The following A2ML1 variants were observed in gnomAD, a reference collection of about 807,000 sequenced individuals.
A2ML1 encodes alpha-2-macroglobulin-like protein 1.
A neutral mutation model predicts 181.9 loss-of-function variants in A2ML1; 161 were observed. The observed-to-expected ratio is 0.89, with a 90% CI of 0.78 to 1.01. The LOEUF (loss-of-function observed/expected upper bound fraction) is 1.01, where lower values mean the gene tolerates loss of function less well. A2ML1 is among the 50% of genes least tolerant of loss of function. A2ML1 has a pLI of 0.00. For synonymous variants in A2ML1, 663 were observed against 666.8 expected (o/e 0.99, Z 0.09); for missense variants, 1,670 against 1,768.1 (o/e 0.94, Z 1.00).
intron 31 of A2ML1, 62 bp downstream of exon 31, chr12:8,868,419 C>T: frequency 6.3e-7 from 1 of 1,599,990 alleles, no homozygotes; most frequent in Non-Finnish European, 8.5e-7. Context: ...TGAGCTGGGA[C>T]ACTTGTGTGT....
intron 7 of A2ML1, among the ~76,000 whole-genome samples, chr12:8,882,026 A>G (rs2137013212): frequency 2.0e-5 from 3 of 152,212 alleles, no homozygotes. Flanking sequence ...AAAAAAAGAA[A>G]AAAGTTTGAG....
At chr12:8,877,925 A>C (rs1944829331), downstream of A2ML1, among the ~76,000 whole-genome samples, 1 of 152,186 alleles carries the variant, frequency 6.6e-6, no homozygotes, top group Non-Finnish European at 1.5e-5. Context: ...AAAGACATGG[A>C]ATCAGCCTAG....
At chr12:8,828,754 C>T (rs968400722) in intron 3 of A2ML1, among the ~76,000 whole-genome samples, 13 of 152,218 alleles carry the variant, frequency 8.5e-5, no homozygotes, top group African/African-American at 2.7e-4. Flanking sequence ...CCAAGGCCCA[C>T]GACAAGTACT....
chr12:8,879,622 C>T (rs1384930276), downstream of A2ML1, among the ~76,000 whole-genome samples: 2 of 152,172 alleles, frequency 1.3e-5, no homozygotes, highest in African/African-American at 2.4e-5. Context: ...AAATGGTGAT[C>T]CTCAAGACTT....
intron 33 of A2ML1, among the ~76,000 whole-genome samples, chr12:8,873,379 TA>T (rs956117165): frequency 2.0e-5 from 3 of 152,098 alleles, no homozygotes; most frequent in African/African-American, 7.2e-5. Flanking sequence ...AGCTAGGATT[TA>T]TTTTTTTATA....
chr12:8,880,045 A>G (rs1249314252), downstream of A2ML1, among the ~76,000 whole-genome samples: 1 of 152,166 alleles, frequency 6.6e-6, no homozygotes, highest in Non-Finnish European at 1.5e-5. Flanking sequence ...CAGTGTGACC[A>G]AAAAAATGAT....
chr12:8,829,227 G>T (rs1422702005), intron 3 of A2ML1, among the ~76,000 whole-genome samples: 1 of 152,200 alleles, frequency 6.6e-6, no homozygotes, highest in African/African-American at 2.4e-5. Context: ...CTTCTATTCT[G>T]CCTCTTGCTC....
intron 4 of A2ML1, among the ~76,000 whole-genome samples, chr12:8,832,738 G>A (rs1943156983): frequency 6.6e-6 from 1 of 152,158 alleles, no homozygotes; most frequent in East Asian, 1.9e-4. Flanking sequence ...CGTAGTGAGG[G>A]TACCTAAGGT....
At chr12:8,870,236 G>T (rs73047819) in intron 33 of A2ML1, among the ~76,000 whole-genome samples, 8,575 of 151,966 alleles carry the variant, frequency 0.056, 341 homozygotes, top group Non-Finnish European at 0.088. Context: ...GGGAGCCAGG[G>T]TTTTTTATGT....
chr12:8,877,895 G>A (rs753817992), downstream of A2ML1, among the ~76,000 whole-genome samples: 1 of 152,222 alleles, frequency 6.6e-6, no homozygotes, highest in African/African-American at 2.4e-5. Flanking sequence ...TATGTTTTTC[G>A]CAGCACTATT....
intron 33 of A2ML1, among the ~76,000 whole-genome samples, chr12:8,873,349 TC>T (rs1944693686): frequency 6.6e-6 from 1 of 152,044 alleles, no homozygotes; most frequent in Non-Finnish European, 1.5e-5. Flanking sequence ...AAATGATCCT[TC>T]CACCTCAGCT....
chr12:8,875,913 G>C (rs1333727927), intron 35 of A2ML1, 145 bp from the exon 36 acceptor site: 1 of 152,188 alleles, frequency 6.6e-6, no homozygotes, highest in African/African-American at 2.4e-5. Flanking sequence ...TTCTACACCT[G>C]TGAGATAACA....
chr12:8,836,287 C>G lies in A2ML1; in HGVS notation c.676C>G (p.Pro226Ala). ...LPKFKVEVVE[P>A]KELSTVQESF... is the part of the protein sequence containing the mutation. ...GAAGTTTAAGGTGGAAGTGGTGGAA[C>G]CCAAGGAGTTATCAACGGTGCAGGA... Residue 226 changes from proline to alanine, a missense_variant, in exon 7 of 36, where the codon CCC becomes GCC. Transcript: ENST00000299698. The G allele has an allele frequency of 1.2e-6, 2 of 1,614,016 alleles. No individual in the cohort carries two copies. Among genetic ancestry groups the G allele is most frequent in the Non-Finnish European group, 1.7e-6 (2 of 1,180,026 alleles).
intron 4 of A2ML1, among the ~76,000 whole-genome samples, chr12:8,830,088 G>T (rs1943063298): frequency 6.6e-6 from 1 of 152,092 alleles, no homozygotes; most frequent in African/African-American, 2.4e-5. Flanking sequence ...GTCTCGCTCT[G>T]TGGCCCAGGC....
At chr12:8,844,993 C>T in intron 12 of A2ML1, 2 of 1,409,504 alleles carry the variant, frequency 1.4e-6, no homozygotes, top group South Asian at 3.3e-5. Flanking sequence ...GATTTCTCCT[C>T]TAGAGGGTTC....
At chr12:8,885,958 C>T (rs1448745290) in intron 7 of A2ML1, among the ~76,000 whole-genome samples, 1 of 150,384 alleles carries the variant, frequency 6.6e-6, no homozygotes, top group African/African-American at 2.4e-5. Context: ...AGAGTTTATT[C>T]CTGGATTCTG....
intron 2 of A2ML1, 68 bp downstream of exon 2, chr12:8,823,433 T>C: frequency 6.8e-7 from 1 of 1,478,308 alleles, no homozygotes; most frequent in Admixed American, 2.1e-5. Context: ...CTCACTATAA[T>C]CTACTTTAAG....
rs778863549 is a variant in A2ML1 at position 8,845,429 on chromosome 12, T to C, written c.1477-13T>C. 5.0e-5 allele frequency: 81 copies of C among 1,613,758 alleles called. No individual in the cohort carries two copies. The highest frequency in any genetic ancestry group is 4.9e-4 in the Middle Eastern group (3 of 6,084). The stretch of plus-strand genomic sequence containing the variant: ...AACTTCTGTGCAGTTGATTCTTTTC[T>C]TTTCTTCTTTAGTTAATAGGGAAAG... On this transcript the variant is annotated splice_polypyrimidine_tract_variant and intron_variant, in intron 12 of 35. Coordinates refer to ENST00000299698, the MANE Select transcript of A2ML1 (RefSeq NM_144670.6).
At position 8,844,382 on chromosome 12, in the gene A2ML1, A is replaced by G. The variant is rs765400984; in HGVS notation, c.1476+1021A>G. Among the ~76,000 whole-genome samples the G allele has an allele frequency of 2.0e-3, 300 of 152,170 alleles. 2 individuals are homozygous for G. Among genetic ancestry groups the G allele is most frequent in the African/African-American group, 6.9e-3 (288 of 41,508 alleles). On this transcript the variant is annotated intron_variant, in intron 12 of 35. Transcript: ENST00000299698. ...CTCCCAAAGTGCTGGGACTGCAGGC[A>G]TGAGCCACCGAGCCCAGCCAGGATA...
Sources: allele counts gnomAD v4.1 joint callset (sites outside exome capture counted in the v4.1 genomes callset), GRCh38; gene constraint gnomAD v4.1.1; transcripts MANE v1.5; gene names NCBI Gene and HGNC (gene_info 2026-07-23, HGNC 2026-07-21).